The following STON2 variants were observed in gnomAD, a reference collection of about 807,000 sequenced individuals.
The protein encoded by STON2 is stonin-2.
STON2 carries 29 observed loss-of-function variants against 65.7 expected under a neutral mutation model. The observed-to-expected ratio is 0.44, with a 90% confidence interval of 0.33 to 0.60. The LOEUF is 0.60. Ranked by LOEUF, STON2 falls within the 20% of genes least tolerant of loss-of-function variation. The probability of loss-of-function intolerance (pLI) is 0.03; values close to 1 mark genes in which losing one functional copy is unlikely to be tolerated. For missense variants in STON2, 1,054 were observed against 1,118.1 expected, an observed-to-expected ratio of 0.94 and a Z score of 0.82; for synonymous variants, 404 against 414.2, an observed-to-expected ratio of 0.98 and a Z score of 0.30.
chr14:81,423,345 A>G (rs1901807265), intron 2 of STON2, among the ~76,000 whole-genome samples: 2 of 152,312 alleles, frequency 1.3e-5, no homozygotes, highest in Non-Finnish European at 1.5e-5. Flanking sequence ...CTGGAAAAAT[A>G]CACATACATG....
intron 2 of STON2, among the ~76,000 whole-genome samples, chr14:81,415,341 G>A (rs1901375602): frequency 6.6e-6 from 1 of 152,018 alleles, no homozygotes; most frequent in Admixed American, 6.6e-5. Flanking sequence ...CGTGCTCAAG[G>A]TCAGAGAGTA....
At chr14:81,305,631 A>G (rs1256835837) in intron 5 of STON2, among the ~76,000 whole-genome samples, 1 of 151,818 alleles carries the variant, frequency 6.6e-6, no homozygotes, top group Admixed American at 6.6e-5. Context: ...TTTATTGCAA[A>G]TATCTCCTCC....
chr14:81,434,670 G>A (rs755949209), intron 1 of STON2, among the ~76,000 whole-genome samples: 1 of 152,164 alleles, frequency 6.6e-6, no homozygotes, highest in Non-Finnish European at 1.5e-5. Context: ...GAGAAGCTTT[G>A]AGAAGGTTTT....
At chr14:81,311,666 G>A (rs964376495) in intron 5 of STON2, among the ~76,000 whole-genome samples, 4 of 152,206 alleles carry the variant, frequency 2.6e-5, no homozygotes, top group Admixed American at 6.5e-5. Flanking sequence ...AGATTTAACA[G>A]AGGCTTTGCC....
chr14:81,381,971 G>A (rs112275105), intron 3 of STON2, among the ~76,000 whole-genome samples: 3,993 of 152,194 alleles, frequency 0.026, 83 homozygotes, highest in Non-Finnish European at 0.042. Context: ...TGTAATCCCA[G>A]CACTTTGGGA....
chr14:81,355,174 C>A (rs192495539), intron 4 of STON2, among the ~76,000 whole-genome samples: 5 of 151,986 alleles, frequency 3.3e-5, no homozygotes, highest in Non-Finnish European at 1.5e-5. Flanking sequence ...AACCTTCACA[C>A]AACAGAAATT....
At chr14:81,349,835 A>G (rs72701746) in intron 4 of STON2, among the ~76,000 whole-genome samples, 2,833 of 152,292 alleles carry the variant, frequency 0.019, 50 homozygotes, top group South Asian at 0.076. Context: ...CTAAGTGTCC[A>G]CCAATGGATG....
intron 4 of STON2, among the ~76,000 whole-genome samples, chr14:81,350,579 G>A (rs574533853): frequency 1.3e-5 from 2 of 152,218 alleles, no homozygotes; most frequent in East Asian, 3.9e-4. Flanking sequence ...GAATGGGTGG[G>A]AGGCAAGGAA....
At chr14:81,304,760 T>G (rs1896108476) in intron 5 of STON2, among the ~76,000 whole-genome samples, 1 of 152,098 alleles carries the variant, frequency 6.6e-6, no homozygotes, top group South Asian at 2.1e-4. Flanking sequence ...AGGGATGGAA[T>G]CAGGATTCAA....
chr14:81,357,723 T>A (rs1434395807), intron 4 of STON2, among the ~76,000 whole-genome samples: 1 of 151,686 alleles, frequency 6.6e-6, no homozygotes, highest in East Asian at 1.9e-4. Flanking sequence ...AAATGATGAG[T>A]TCTTGTCCTT....
At chr14:81,350,961 TA>T (rs1355512092) in intron 4 of STON2, among the ~76,000 whole-genome samples, 1 of 152,204 alleles carries the variant, frequency 6.6e-6, no homozygotes, top group African/African-American at 2.4e-5. Context: ...TAATGTCATT[TA>T]AATCAGTGGT....
rs1169410110 is a variant in STON2, at chr14:81,277,029, G to GC, written c.2452dup (p.Ala818GlyfsTer7). 2.5e-6 allele frequency: 4 copies of GC among 1,614,022 alleles called. No individual in the cohort carries two copies. The highest frequency in any genetic ancestry group is 3.4e-6 in the Non-Finnish European group (4 of 1,180,034). On this transcript the variant is annotated frameshift_variant, in exon 6 of 8. Coordinates refer to ENST00000614646, the MANE Select transcript of STON2 (RefSeq NM_001394390.1). LOFTEE classifies it high-confidence loss of function. The stretch of plus-strand genomic sequence containing the variant: ...AGAAACACTAGTGGAGCCAAAACTT[G>GC]CCCCCCGGTTCACTTTGGCTTTCAA...
intron 1 of STON2, among the ~76,000 whole-genome samples, 148 bp downstream of exon 1, chr14:81,400,131 A>G (rs1164346705): frequency 6.6e-6 from 1 of 152,166 alleles, no homozygotes; most frequent in Non-Finnish European, 1.5e-5. Context: ...TCCCCATGTG[A>G]AAGTTTGCCA....
intron 4 of STON2, among the ~76,000 whole-genome samples, chr14:81,351,062 TTAAAATATTCAG>T (rs1595382609): frequency 6.6e-6 from 1 of 152,158 alleles, no homozygotes; most frequent in Non-Finnish European, 1.5e-5. Context: ...CTATCTACAT[TTAAAATATTCAG>T]TAAAACAGTT....
rs186512905 is a variant in STON2 at position 81,399,384 on chromosome 14, G to A, written c.-198-804C>T. Among the ~76,000 whole-genome samples the A allele has an allele frequency of 2.0e-5, 3 of 152,250 alleles. No individual in the cohort carries two copies. The East Asian group carries it at 5.8e-4, about 29-fold the overall frequency. On this transcript the variant is annotated intron_variant, in intron 1 of 7. Transcript: ENST00000614646. Reference sequence around the variant, plus strand: ...CTAAAATTAATGTGCTTCCATAGAAGAGCTACTATATACCTTGAACAATAT... The same window carrying A: ...CTAAAATTAATGTGCTTCCATAGAAAAGCTACTATATACCTTGAACAATAT...
At chr14:81,280,082 C>G (rs1400117496) in intron 5 of STON2, among the ~76,000 whole-genome samples, 4 of 152,222 alleles carry the variant, frequency 2.6e-5, no homozygotes, top group Non-Finnish European at 5.9e-5. Context: ...AGAAAATGCT[C>G]ATGATATAAT....
At chr14:81,401,272 G>A (rs1900599599), upstream of STON2, among the ~76,000 whole-genome samples, 1 of 152,158 alleles carries the variant, frequency 6.6e-6, no homozygotes. Flanking sequence ...AAAGTACCAA[G>A]ACCATTCCTC....
intron 4 of STON2, among the ~76,000 whole-genome samples, chr14:81,342,736 T>C (rs1175964163): frequency 6.6e-6 from 1 of 152,032 alleles, no homozygotes; most frequent in African/African-American, 2.4e-5. Context: ...TAGAGGATCC[T>C]GGAGTCCCGG....
At position 81,337,611 on chromosome 14, in the gene STON2, T is replaced by C. The variant is rs541196421; in HGVS notation, c.572-13424A>G. ...CAGAGACATGAATGGAGTGAGGGAG[T>C]GAACCGTATGAAGATCTTGAAGAAC... On this transcript the variant is annotated intron_variant, in intron 4 of 7. Coordinates refer to ENST00000614646, the MANE Select transcript of STON2 (RefSeq NM_001394390.1). Among the ~76,000 whole-genome samples, 6 of 151,110 alleles carry C rather than the reference T, an allele frequency of 4.0e-5. No individual in the cohort carries two copies. In the South Asian group the frequency reaches 1.3e-3, roughly 32 times the overall value.
Sources: allele counts gnomAD v4.1 joint callset (sites outside exome capture counted in the v4.1 genomes callset), GRCh38; gene constraint gnomAD v4.1.1; transcripts MANE v1.5; gene names NCBI Gene and HGNC (gene_info 2026-07-23, HGNC 2026-07-21).